CA5A: variants seen among roughly 807,000 people sequenced by gnomAD.
CA5A encodes carbonic anhydrase 5A, also known as carbonic anhydrase 5A, mitochondrial.
CA5A carries 28 observed loss-of-function variants against 37.1 expected under a neutral mutation model. That is an observed-to-expected ratio of 0.75 (90% CI 0.56 to 1.03). CA5A has a LOEUF of 1.03. CA5A is among the 50% of genes least tolerant of loss of function. The pLI, the probability that CA5A is intolerant of heterozygous loss-of-function variation, is 0.00. For synonymous variants in CA5A, 171 were observed against 158.4 expected (o/e 1.08, Z -0.60); for missense variants, 444 against 399.9 (o/e 1.11, Z -0.94).
At chr16:87,931,832 G>A (rs1298942347) in intron 1 of CA5A, among the ~76,000 whole-genome samples, 4 of 152,232 alleles carry the variant, frequency 2.6e-5, no homozygotes, top group African/African-American at 4.8e-5. Flanking sequence ...AACTATGGAC[G>A]CGGGAGCCGG....
intron 2 of CA5A, among the ~76,000 whole-genome samples, chr16:87,913,656 C>T (rs924936657): frequency 3.6e-5 from 5 of 137,218 alleles, no homozygotes; most frequent in Admixed American, 1.4e-4. Context: ...TGCCGTGGCC[C>T]CCCCCTCCTC....
At chr16:87,910,445 G>A (rs367615325) in intron 2 of CA5A, among the ~76,000 whole-genome samples, 9 of 152,284 alleles carry the variant, frequency 5.9e-5, no homozygotes, top group East Asian at 5.8e-4. Context: ...CAGTTTAGCC[G>A]GCAACCTCAC....
intron 5 of CA5A, among the ~76,000 whole-genome samples, chr16:87,901,018 C>T (rs1055230215): frequency 7.2e-5 from 11 of 152,200 alleles, no homozygotes; most frequent in Non-Finnish European, 1.6e-4. Context: ...CTGAAGTCAG[C>T]AGTTTGAGAC....
chr16:87,892,716 C>T (rs1316829345), intron 5 of CA5A, among the ~76,000 whole-genome samples: 4 of 147,038 alleles, frequency 2.7e-5, no homozygotes, highest in African/African-American at 1.0e-4. Flanking sequence ...TCTTGTTGCC[C>T]AGGCTGGAGT....
intron 2 of CA5A, among the ~76,000 whole-genome samples, chr16:87,908,920 A>G (rs754989126): frequency 2.6e-5 from 4 of 151,178 alleles, no homozygotes; most frequent in Non-Finnish European, 5.9e-5. Context: ...GGTTCAAGAG[A>G]TTCTCCTGCC....
At chr16:87,934,216 A>G (rs1597594596) in intron 1 of CA5A, among the ~76,000 whole-genome samples, 1 of 152,250 alleles carries the variant, frequency 6.6e-6, no homozygotes, top group Non-Finnish European at 1.5e-5. Context: ...TGCCGTAAGC[A>G]CCATTATCAA....
In CA5A at chr16:87,929,871, C is replaced by CAAAAAA. The variant is rs58941982; in HGVS notation, c.143-2932_143-2927dup. Among the ~76,000 whole-genome samples the CAAAAAA allele has an allele frequency of 2.0e-3, 122 of 62,220 alleles. 3 individuals carry two copies. The highest frequency in any genetic ancestry group is 0.017 in the Middle Eastern group (1 of 58). 40.8% of individuals were successfully genotyped at this position (62,220 alleles called of 152,430 possible). ...TGGGCAATACAGCGAGACTCCGTCT[C>CAAAAAA]AAAAAAAAAAAAAAAAAAAAAAAAA... On this transcript the variant is annotated intron_variant, in intron 1 of 6. Transcript: ENST00000649794.
At chr16:87,923,093 C>T (rs576224462) in intron 2 of CA5A, among the ~76,000 whole-genome samples, 1 of 152,344 alleles carries the variant, frequency 6.6e-6, no homozygotes, top group African/African-American at 2.4e-5. Context: ...GGCAGTCGCC[C>T]CTTCTCTGAG....
intron 5 of CA5A, among the ~76,000 whole-genome samples, chr16:87,900,321 T>G (rs1025216761): frequency 1.3e-5 from 2 of 152,124 alleles, no homozygotes; most frequent in African/African-American, 4.8e-5. Flanking sequence ...CCTTGTGAAG[T>G]TCCTGAGCAG....
chr16:87,927,065 C>T (rs1055413186), intron 1 of CA5A, 120 bp from the exon 2 acceptor site: 4 of 726,372 alleles, frequency 5.5e-6, no homozygotes, highest in Non-Finnish European at 9.0e-6. Context: ...GGAAACTGAC[C>T]CACGGGAAAC....
chr16:87,903,550 T>C (rs1239857005), intron 3 of CA5A, among the ~76,000 whole-genome samples: 3 of 106,978 alleles, frequency 2.8e-5, no homozygotes, highest in East Asian at 2.7e-4. Flanking sequence ...ACAGAAGCCA[T>C]TGTTGTGCTC....
chr16:87,888,372 C>A, intron 6 of CA5A, 100 bp from the exon 7 acceptor site: 1 of 1,023,228 alleles, frequency 9.8e-7, no homozygotes, highest in Non-Finnish European at 1.4e-6. Flanking sequence ...CATGCTGAAT[C>A]AGGATGGCCC....
chr16:87,922,070 G>A lies in CA5A; in HGVS notation c.340+4678C>T, dbSNP rs538320091. On this transcript the variant is annotated intron_variant, in intron 2 of 6. Transcript: ENST00000649794. ...TTTATTTTTGTAGAGATGCATTCTCGTTACCCTCCCACCTTGGCCTATCAC... is the reference window on the plus strand; with the variant it reads ...TTTATTTTTGTAGAGATGCATTCTCATTACCCTCCCACCTTGGCCTATCAC... Among the ~76,000 whole-genome samples the A allele has an allele frequency of 9.2e-5, 14 of 151,984 alleles. No homozygotes were observed. In the South Asian group the frequency reaches 2.7e-3, roughly 29 times the overall value.
intron 2 of CA5A, among the ~76,000 whole-genome samples, chr16:87,907,043 C>T (rs911545067): frequency 2.6e-5 from 4 of 152,032 alleles, no homozygotes; most frequent in African/African-American, 9.7e-5. Context: ...ATGATAAAAC[C>T]TCATCTCTAC....
chr16:87,926,379 G>C (rs778318616), intron 2 of CA5A, among the ~76,000 whole-genome samples: 2 of 152,192 alleles, frequency 1.3e-5, no homozygotes, highest in Non-Finnish European at 2.9e-5. Context: ...TGGGCGTCCA[G>C]CCACCGCTGC....
Position 87,893,624 on chromosome 16 carries a change from G to A in CA5A, c.619-1670C>T, listed in dbSNP as rs899049140. 25 of 686,476 alleles carry A rather than the reference G, an allele frequency of 3.6e-5. No homozygotes were observed. The African/African-American group carries it at 3.7e-4, about 10-fold the overall frequency. The allele number at this position is 686,476 out of a possible 1,614,324, so 42.5% of individuals were successfully genotyped here. On this transcript the variant is annotated intron_variant, in intron 5 of 6. Transcript: ENST00000649794. The stretch of plus-strand genomic sequence containing the variant: ...GGGGAAGCTGACAGACATACCTACA[G>A]ACGGAGTGCTGTGCCCCTGGTGCCG...
intron 5 of CA5A, among the ~76,000 whole-genome samples, chr16:87,896,510 C>T (rs1434813575): frequency 6.6e-6 from 1 of 152,234 alleles, no homozygotes; most frequent in Non-Finnish European, 1.5e-5. Context: ...AATGGGACAC[C>T]GGTGAGCACA....
At chr16:87,923,148 T>C (rs1373292867) in intron 2 of CA5A, among the ~76,000 whole-genome samples, 1 of 152,200 alleles carries the variant, frequency 6.6e-6, no homozygotes, top group Non-Finnish European at 1.5e-5. Context: ...CAATACTCTC[T>C]CTAGTGGCTT....
chr16:87,920,502 G>A (rs920407048), intron 2 of CA5A, among the ~76,000 whole-genome samples: 2 of 151,996 alleles, frequency 1.3e-5, no homozygotes, highest in Admixed American at 1.3e-4. Context: ...TAGAGACGGG[G>A]TTTCACCATG....
Sources: allele counts gnomAD v4.1 joint callset (sites outside exome capture counted in the v4.1 genomes callset), GRCh38; gene constraint gnomAD v4.1.1; transcripts MANE v1.5; gene names NCBI Gene and HGNC (gene_info 2026-07-23, HGNC 2026-07-21).